BORCS5: variants seen among roughly 807,000 people sequenced by gnomAD.
BORCS5 encodes the protein BLOC-1-related complex subunit 5.
BORCS5 carries 17 observed loss-of-function variants against 22.1 expected under a neutral mutation model. The observed-to-expected ratio is 0.77, with a 90% CI of 0.53 to 1.15. BORCS5 has a LOEUF of 1.15. BORCS5 is among the 50% of genes most tolerant of loss of function. The pLI, the probability that BORCS5 is intolerant of heterozygous loss-of-function variation, is 0.00. For synonymous variants in BORCS5, 117 were observed against 99.8 expected (o/e 1.17, Z -1.03); for missense variants, 247 against 253.2 (o/e 0.98, Z 0.17).
intron 3 of BORCS5, among the ~76,000 whole-genome samples, chr12:12,437,865 C>G (rs1592127706): frequency 6.6e-6 from 1 of 152,052 alleles, no homozygotes; most frequent in Admixed American, 6.5e-5. Flanking sequence ...TGGGCAGAAG[C>G]GATTCTCCAA....
intron 3 of BORCS5, among the ~76,000 whole-genome samples, chr12:12,444,372 G>A (rs1942743162): frequency 2.6e-5 from 4 of 152,206 alleles, no homozygotes; most frequent in Admixed American, 2.0e-4. Flanking sequence ...CAGGGACTCA[G>A]TTTCCTTCTA....
At chr12:12,370,675 TATTATC>T (rs1863506305) in intron 2 of BORCS5, among the ~76,000 whole-genome samples, 1 of 152,228 alleles carries the variant, frequency 6.6e-6, no homozygotes, top group South Asian at 2.1e-4. Context: ...TGTAATCTGT[TATTATC>T]ATTATTTCTT....
chr12:12,359,303 G>A (rs554370277), intron 1 of BORCS5, among the ~76,000 whole-genome samples: 1 of 151,960 alleles, frequency 6.6e-6, no homozygotes, highest in South Asian at 2.1e-4. Context: ...AGGCCCAGGT[G>A]GGAGGATTGC....
At chr12:12,379,645 G>A (rs1001090916) in intron 2 of BORCS5, among the ~76,000 whole-genome samples, 3 of 151,352 alleles carry the variant, frequency 2.0e-5, no homozygotes, top group African/African-American at 7.3e-5. Context: ...AGGCAAGAGT[G>A]GGTTCCCTTG....
At chr12:12,451,335 C>T (rs751340270) in intron 3 of BORCS5, among the ~76,000 whole-genome samples, 15 of 152,116 alleles carry the variant, frequency 9.9e-5, no homozygotes, top group African/African-American at 3.1e-4. Flanking sequence ...TGTTTTCATG[C>T]GATACATATC....
At chr12:12,409,906 T>G (rs998384048) in intron 2 of BORCS5, among the ~76,000 whole-genome samples, 7 of 152,220 alleles carry the variant, frequency 4.6e-5, no homozygotes, top group Non-Finnish European at 1.0e-4. Context: ...TTCCTGACTT[T>G]TTAATGATTG....
At chr12:12,436,892 T>C (rs1212418687) in intron 3 of BORCS5, among the ~76,000 whole-genome samples, 1 of 152,258 alleles carries the variant, frequency 6.6e-6, no homozygotes, top group African/African-American at 2.4e-5. Context: ...ATATTGCTTT[T>C]CATTGATGTG....
rs575881454 is a variant in BORCS5 at position 12,427,008 on chromosome 12, G to A, written c.203-8620G>A. On this transcript the variant is annotated intron_variant, in intron 2 of 3. Coordinates refer to ENST00000314565, the MANE Select transcript of BORCS5 (RefSeq NM_058169.6). ...CAATGATGACTGCCGTTGCCCCCTC[G>A]AGGTTAGCACTCCTCTGAGGTCACA... Among the ~76,000 whole-genome samples, 13 of 152,124 alleles carry A rather than the reference G, an allele frequency of 8.5e-5. No homozygotes were observed. The East Asian group carries it at 1.9e-3, about 23-fold the overall frequency.
chr12:12,448,039 A>G (rs967396708), intron 3 of BORCS5, among the ~76,000 whole-genome samples: 23 of 152,274 alleles, frequency 1.5e-4, no homozygotes, highest in African/African-American at 5.5e-4. Context: ...CATTTTGCAT[A>G]TATCAGCTAT....
rs1451108645 is a variant in BORCS5, at chr12:12,435,695, G to T, written c.270G>T (p.Leu90Phe). 1 of 1,614,092 alleles carries T rather than the reference G, an allele frequency of 6.2e-7. No individual in the cohort carries two copies. The highest frequency in any genetic ancestry group is 2.2e-5 in the East Asian group (1 of 44,880). The part of the protein sequence containing the change: ...KLEKLDSQQV[L>F]QLCLRYQDHL... ...AGAAACTGGACTCTCAGCAGGTGTT[G>T]CAGCTCTGCCTCCGATATCAAGATC... The change falls in exon 3 of 4, where the codon TTG becomes TTT. Residue 90 changes from leucine (L) to phenylalanine (F), a missense_variant. By Grantham distance (22) the Leu-to-Phe change is conservative. Transcript: ENST00000314565.
intron 3 of BORCS5, among the ~76,000 whole-genome samples, chr12:12,443,136 G>C (rs1295302041): frequency 2.6e-5 from 4 of 152,068 alleles, no homozygotes; most frequent in Admixed American, 2.0e-4. Flanking sequence ...ACTGTGAACC[G>C]AATCTCCTTT....
At chr12:12,426,262 A>G (rs952048535) in intron 2 of BORCS5, among the ~76,000 whole-genome samples, 6 of 152,238 alleles carry the variant, frequency 3.9e-5, no homozygotes. Context: ...GAGACAGAGA[A>G]TCGTGCTATA....
intron 3 of BORCS5, among the ~76,000 whole-genome samples, chr12:12,444,676 A>AAGGTTCCAT (rs1942748463): frequency 6.6e-6 from 1 of 152,210 alleles, no homozygotes; most frequent in South Asian, 2.1e-4. Flanking sequence ...GGCCTGATGC[A>AAGGTTCCAT]AGGTTCCATG....
intron 2 of BORCS5, among the ~76,000 whole-genome samples, chr12:12,382,716 A>T (rs567124845): frequency 1.3e-5 from 2 of 150,956 alleles, no homozygotes; most frequent in Admixed American, 6.6e-5. Flanking sequence ...TATTTTTAGT[A>T]GAGATAGGGT....
rs145677567 is a variant in BORCS5, at chr12:12,437,975, C to T, written c.360+2190C>T. Among the ~76,000 whole-genome samples the T allele has an allele frequency of 3.9e-5, 6 of 152,144 alleles. No individual in the cohort carries two copies. In the East Asian group the frequency reaches 5.8e-4, roughly 15 times the overall value. ...AACTCCTCAGCTCAAGCGATCCTCC[C>T]GCCTCTGCCTCCCAAAGCACTGGGA... On this transcript the variant is annotated intron_variant, in intron 3 of 3. Coordinates refer to ENST00000314565, the MANE Select transcript of BORCS5 (RefSeq NM_058169.6).
At chr12:12,370,099 T>TACACAC (rs56408181) in intron 2 of BORCS5, among the ~76,000 whole-genome samples, 4,214 of 145,372 alleles carry the variant, frequency 0.029, 77 homozygotes, top group South Asian at 0.044. Flanking sequence ...AGTGGTTTTA[T>TACACAC]ACACACACAC....
intron 2 of BORCS5, among the ~76,000 whole-genome samples, chr12:12,422,682 A>G (rs557067806): frequency 3.3e-5 from 5 of 152,284 alleles, no homozygotes; most frequent in African/African-American, 1.2e-4. Flanking sequence ...AACATAGAAA[A>G]ACTCTGCTCC....
rs966909349 is a variant in BORCS5 at position 12,362,171 on chromosome 12, A to G, written c.202+822A>G. Among the ~76,000 whole-genome samples, 3 of 152,218 alleles carry G rather than the reference A, an allele frequency of 2.0e-5. No individual in the cohort carries two copies. The South Asian group carries it at 6.2e-4, about 31-fold the overall frequency. On this transcript the variant is annotated intron_variant, in intron 2 of 3. Coordinates refer to ENST00000314565, the MANE Select transcript of BORCS5 (RefSeq NM_058169.6). ...TCCTCATACACATATCATCCCTTTA[A>G]TTCTTACATCATTAAATGTGTTTCA...
At chr12:12,375,260 G>A (rs1307082467) in intron 2 of BORCS5, among the ~76,000 whole-genome samples, 4 of 152,050 alleles carry the variant, frequency 2.6e-5, no homozygotes, top group African/African-American at 4.8e-5. Context: ...TGATCCATCC[G>A]CCTCGGCCTC....
Sources: gnomAD v4.1 joint callset for allele counts (sites outside exome capture counted in the v4.1 genomes callset) on GRCh38, gnomAD v4.1.1 for gene constraint, MANE v1.5 for transcripts, NCBI Gene and HGNC (gene_info 2026-07-23, HGNC 2026-07-21) for gene names.